The following FRAS1 variants were observed in gnomAD, a reference collection of about 807,000 sequenced individuals.
The protein encoded by FRAS1 is extracellular matrix organizing protein FRAS1.
Under a neutral mutation model 435.2 loss-of-function variants are expected in FRAS1, and 290 were observed. That is an observed-to-expected ratio of 0.67 (90% CI 0.61 to 0.73). The LOEUF (loss-of-function observed/expected upper bound fraction) is 0.73. Among genes scored for constraint, FRAS1 ranks in the 30% least tolerant of loss-of-function variants. The pLI, the probability that FRAS1 is intolerant of heterozygous loss-of-function variation, is 0.00. For missense variants in FRAS1, 4,860 were observed against 5,001.5 expected (o/e 0.97, Z 0.85); for synonymous variants, 1,800 against 1,851.0 (o/e 0.97, Z 0.71).
chr4:78,276,882 C>A (rs1466629065), intron 9 of FRAS1, among the ~76,000 whole-genome samples: 4 of 152,196 alleles, frequency 2.6e-5, no homozygotes, highest in Admixed American at 2.6e-4. Context: ...GTTTCTGCTG[C>A]CTTTTGTTTG....
rs532714826 is a variant in FRAS1, at chr4:78,288,457, G to A, written c.1534+1918G>A. Among the ~76,000 whole-genome samples the A allele has an allele frequency of 2.6e-5, 4 of 152,232 alleles. No individual in the cohort carries two copies. The East Asian group carries it at 5.8e-4, about 22-fold the overall frequency. On this transcript the variant is annotated intron_variant, in intron 14 of 73. Transcript: ENST00000512123. ...GGGCATTTTCCTTTCTCCCATGCCC[G>A]TTGTTTTAATTGGTGATGCTAATGC...
intron 2 of FRAS1, among the ~76,000 whole-genome samples, chr4:78,069,247 T>C (rs1179228923): frequency 2.6e-5 from 4 of 152,320 alleles, no homozygotes; most frequent in Admixed American, 2.6e-4. Context: ...TTCTTTAGGT[T>C]TGTTCATCTC....
intron 14 of FRAS1, among the ~76,000 whole-genome samples, chr4:78,307,610 C>G (rs1406126220): frequency 1.3e-5 from 2 of 152,158 alleles, no homozygotes. Flanking sequence ...TGGGAGTGAC[C>G]CGATTTTCCA....
intron 2 of FRAS1, among the ~76,000 whole-genome samples, chr4:78,155,587 A>G (rs1185894783): frequency 6.6e-6 from 1 of 152,220 alleles, no homozygotes; most frequent in Non-Finnish European, 1.5e-5. Flanking sequence ...TTTCTAATAC[A>G]GAAACCCGTG....
In FRAS1 at chr4:78,534,749, A is replaced by C. The variant is rs541297228; in HGVS notation, c.11092+134A>C. 5.5e-6 allele frequency: 4 copies of C among 729,828 alleles called. No individual in the cohort carries two copies. In the African/African-American group the frequency reaches 7.1e-5, roughly 13 times the overall value. 45.2% of individuals were successfully genotyped at this position (729,828 alleles called of 1,614,324 possible). On this transcript the variant is annotated intron_variant, in intron 71 of 73. Transcript: ENST00000512123. ...GTAAAGATCCCCCAGGGTTGGTTCCAGGACAGCCAGGACTGAATCTAGGTA... is the reference window on the plus strand; with the variant it reads ...GTAAAGATCCCCCAGGGTTGGTTCCCGGACAGCCAGGACTGAATCTAGGTA...
In FRAS1 at chr4:78,337,707, C is replaced by T. The variant is rs970359970; in HGVS notation, c.2312C>T (p.Pro771Leu). Reference sequence around the variant, plus strand: ...CCAACCTGCAGGCAGTGTCATGGGCCGTTGGAGTCTGACTGCATCTCCTGT... The same window carrying T: ...CCAACCTGCAGGCAGTGTCATGGGCTGTTGGAGTCTGACTGCATCTCCTGT... ...CHPTCRQCHG[P>L]LESDCISCYP... The change falls in exon 20 of 74, where the codon CCG becomes CTG. Residue 771 changes from proline to leucine, a missense_variant. By Grantham distance (98) the Pro-to-Leu change is moderately conservative. Coordinates refer to ENST00000512123, the MANE Select transcript of FRAS1 (RefSeq NM_025074.7). 4.3e-6 allele frequency: 7 copies of T among 1,613,908 alleles called. No individual in the cohort carries two copies. The highest frequency in any genetic ancestry group is 2.7e-5 in the African/African-American group (2 of 75,048).
chr4:78,459,841 C>G (rs1005747202), intron 47 of FRAS1, among the ~76,000 whole-genome samples: 4 of 152,176 alleles, frequency 2.6e-5, no homozygotes, highest in African/African-American at 7.2e-5. Flanking sequence ...ATGTGGTGTT[C>G]TCCCTGTTGG....
chr4:78,297,385 G>C (rs1050464916), intron 14 of FRAS1, among the ~76,000 whole-genome samples: 1 of 152,168 alleles, frequency 6.6e-6, no homozygotes, highest in African/African-American at 2.4e-5. Context: ...TGGAAAATAA[G>C]GTGCTTACAC....
chr4:78,075,510 C>T lies in FRAS1; in HGVS notation c.108+9494C>T, dbSNP rs576096800. On this transcript the variant is annotated intron_variant, in intron 2 of 73. Transcript: ENST00000512123. ...CTATAATCAGATATTGAACTCAGTA[C>T]AAAGCAGTTTGGGATAAGTGTCAGT... 2.0e-5 allele frequency among the ~76,000 whole-genome samples: 3 copies of T among 152,278 alleles called. No individual in the cohort carries two copies. In the South Asian group the frequency reaches 6.2e-4, roughly 32 times the overall value.
At chr4:78,159,093 T>C (rs1190277337) in intron 2 of FRAS1, among the ~76,000 whole-genome samples, 2 of 152,172 alleles carry the variant, frequency 1.3e-5, no homozygotes, top group Non-Finnish European at 2.9e-5. Flanking sequence ...GCTTGTGTGA[T>C]TGGGCAGAAC....
In FRAS1 at chr4:78,536,488, G is replaced by A. The variant is rs1449866307; in HGVS notation, c.11093-507G>A. Among the ~76,000 whole-genome samples, 107 of 152,244 alleles carry A rather than the reference G, an allele frequency of 7.0e-4. 2 individuals carry two copies. The highest frequency in any genetic ancestry group is 6.7e-3 in the Admixed American group (103 of 15,286). On this transcript the variant is annotated intron_variant, in intron 71 of 73. Coordinates refer to ENST00000512123, the MANE Select transcript of FRAS1 (RefSeq NM_025074.7). The stretch of plus-strand genomic sequence containing the variant: ...CTTGACTTGGAATCCCACCCTCACC[G>A]TTTGCTTGCTTTGTGACCTTCAGCA...
intron 54 of FRAS1, among the ~76,000 whole-genome samples, chr4:78,477,030 A>G (rs1415922052): frequency 6.6e-6 from 1 of 151,252 alleles, no homozygotes; most frequent in Admixed American, 6.6e-5. Context: ...ATAAGTCCCT[A>G]TAAGTTCACA....
chr4:78,193,792 G>A (rs1184118499), intron 2 of FRAS1, among the ~76,000 whole-genome samples: 3 of 152,130 alleles, frequency 2.0e-5, no homozygotes, highest in African/African-American at 4.8e-5. Context: ...ATATTGTTAT[G>A]TGTGAATTTG....
chr4:78,290,463 T>TTC (rs1318696510), intron 14 of FRAS1, among the ~76,000 whole-genome samples: 1 of 56,764 alleles, frequency 1.8e-5, no homozygotes, highest in African/African-American at 7.1e-5. Flanking sequence ...CTTTCTTTCT[T>TTC]TTTTTTTTTT....
intron 2 of FRAS1, among the ~76,000 whole-genome samples, chr4:78,084,390 C>T (rs902961869): frequency 6.6e-6 from 1 of 152,024 alleles, no homozygotes; most frequent in Non-Finnish European, 1.5e-5. Flanking sequence ...CCTTAGGCTG[C>T]AAGTTGGTGG....
chr4:78,310,307 G>A (rs1038856199), intron 15 of FRAS1, among the ~76,000 whole-genome samples: 3 of 152,204 alleles, frequency 2.0e-5, no homozygotes, highest in Non-Finnish European at 2.9e-5. Flanking sequence ...GCTGGTTACT[G>A]TCACTGATGG....
chr4:78,312,933 T>C (rs575235037), intron 15 of FRAS1, among the ~76,000 whole-genome samples: 6 of 152,040 alleles, frequency 3.9e-5, no homozygotes, highest in African/African-American at 1.4e-4. Flanking sequence ...TGATATTACA[T>C]TGGAGTTATA....
intron 3 of FRAS1, 69 bp from the exon 4 acceptor site, chr4:78,245,164 G>A: frequency 9.9e-7 from 1 of 1,012,796 alleles, no homozygotes; most frequent in East Asian, 2.6e-5. Context: ...ATGACTTAGG[G>A]TCTGATGAAC....
intron 19 of FRAS1, among the ~76,000 whole-genome samples, chr4:78,334,326 A>C (rs2110260389): frequency 6.8e-6 from 1 of 147,486 alleles, no homozygotes; most frequent in East Asian, 2.0e-4. Context: ...TATACTTTTT[A>C]ATATTTTTTT....
Sources: gnomAD v4.1 joint callset for allele counts (sites outside exome capture counted in the v4.1 genomes callset) on GRCh38, gnomAD v4.1.1 for gene constraint, MANE v1.5 for transcripts, NCBI Gene and HGNC (gene_info 2026-07-23, HGNC 2026-07-21) for gene names.